Variants in IFT46 observed in about 807,000 individuals in gnomAD.
The protein encoded by IFT46 is intraflagellar transport protein 46 homolog.
IFT46 carries 19 observed loss-of-function variants against 39.6 expected under a neutral mutation model. That is an observed-to-expected ratio of 0.48 (90% CI 0.33 to 0.70). IFT46 has a LOEUF of 0.70. Ranked by LOEUF, IFT46 falls within the 30% of genes least tolerant of loss-of-function variation. The probability of loss-of-function intolerance (pLI) is 0.01; values close to 1 mark genes in which losing one functional copy is unlikely to be tolerated. For missense variants in IFT46, 334 were observed against 364.8 expected (o/e 0.92, Z 0.69); for synonymous variants, 117 against 134.8 (o/e 0.87, Z 0.91).
In IFT46 at chr11:118,562,758, A is replaced by G. The variant is rs886882943; in HGVS notation, c.-36+2207T>C. The stretch of plus-strand genomic sequence containing the variant: ...AAACAACCCGAGTGTCCATTAACAA[A>G]TGAATGAATTAAAAAACGTGGCATA... On this transcript the variant is annotated intron_variant, in intron 2 of 11. Transcript: ENST00000264021. 2.0e-5 allele frequency among the ~76,000 whole-genome samples: 3 copies of G among 152,252 alleles called. No individual in the cohort carries two copies. In the South Asian group the frequency reaches 6.2e-4, roughly 32 times the overall value.
chr11:118,548,045 C>CTTT (rs544682715), intron 9 of IFT46, among the ~76,000 whole-genome samples: 1 of 129,162 alleles, frequency 7.7e-6, no homozygotes, highest in Admixed American at 7.8e-5. Flanking sequence ...CACGCCCAGC[C>CTTT]TTTTTTTTTT....
At chr11:118,567,387 C>G (rs1292290682), upstream of IFT46, among the ~76,000 whole-genome samples, 1 of 152,042 alleles carries the variant, frequency 6.6e-6, no homozygotes, top group African/African-American at 2.4e-5. Context: ...CCAGCCTGAC[C>G]AACATGGTGA....
At chr11:118,563,512 A>G (rs1938129524) in intron 2 of IFT46, among the ~76,000 whole-genome samples, 1 of 152,196 alleles carries the variant, frequency 6.6e-6, no homozygotes, top group Admixed American at 6.5e-5. Context: ...CCAATCCATC[A>G]CCAAGTCTTA....
At chr11:118,569,303 A>T (rs188284501), upstream of IFT46, among the ~76,000 whole-genome samples, 4,488 of 151,310 alleles carry the variant, frequency 0.03, 206 homozygotes, top group African/African-American at 0.096. Context: ...TTTTTTTTTT[A>T]AAATATTGAC....
chr11:118,545,377 C>G, intron 11 of IFT46, 32 bp downstream of exon 11: 1 of 1,468,684 alleles, frequency 6.8e-7, no homozygotes, highest in African/African-American at 1.4e-5. Flanking sequence ...ATCCTCTCTA[C>G]AGCTTAAGTC....
chr11:118,570,412 T>C (rs1938313359), upstream of IFT46, among the ~76,000 whole-genome samples: 1 of 152,204 alleles, frequency 6.6e-6, no homozygotes, highest in East Asian at 1.9e-4. Flanking sequence ...TGTGTGAGTT[T>C]GGACAAATGC....
upstream of IFT46, among the ~76,000 whole-genome samples, chr11:118,576,133 A>G (rs1323743556): frequency 6.6e-6 from 1 of 152,064 alleles, no homozygotes; most frequent in African/African-American, 2.4e-5. Flanking sequence ...TTAGTGGCAA[A>G]GGCAGAACAG....
chr11:118,551,315 G>A (rs971070897), intron 9 of IFT46, among the ~76,000 whole-genome samples: 2 of 151,946 alleles, frequency 1.3e-5, no homozygotes, highest in South Asian at 2.1e-4. Context: ...GGAGGTTGCC[G>A]TGAGCTGAGA....
chr11:118,547,384 CA>C (rs1951710789), intron 9 of IFT46: 2 of 152,160 alleles, frequency 1.3e-5, no homozygotes, highest in South Asian at 4.1e-4. Flanking sequence ...ACCTGTTGGT[CA>C]TCTTTGTTCA....
Position 118,547,676 on chromosome 11 carries a change from C to T in IFT46, c.673-1823G>A, listed in dbSNP as rs1951718447. 2.6e-5 allele frequency among the ~76,000 whole-genome samples: 4 copies of T among 152,210 alleles called. No homozygotes were observed. The South Asian group carries it at 8.3e-4, about 32-fold the overall frequency. On this transcript the variant is annotated intron_variant, in intron 9 of 11. Coordinates refer to ENST00000264021, the MANE Select transcript of IFT46 (RefSeq NM_001168618.2). Reference sequence around the variant, plus strand: ...ACCTCAGGTGATCCACCTGCCTCAGCCTCCCAAAGTGCTGGGATTACAGGC... The same window carrying T: ...ACCTCAGGTGATCCACCTGCCTCAGTCTCCCAAAGTGCTGGGATTACAGGC...
At chr11:118,557,720 C>G (rs1314071717) in intron 3 of IFT46, 3 of 1,613,514 alleles carry the variant, frequency 1.9e-6, no homozygotes, top group Non-Finnish European at 2.5e-6. Context: ...CTCTTTTGTT[C>G]TTGACATTAT....
intron 3 of IFT46, among the ~76,000 whole-genome samples, chr11:118,558,136 T>C (rs1409071518): frequency 6.6e-6 from 1 of 152,222 alleles, no homozygotes; most frequent in African/African-American, 2.4e-5. Flanking sequence ...CTAACTAAGC[T>C]GTAATATGCA....
chr11:118,552,483 G>C, intron 7 of IFT46, 148 bp from the exon 8 acceptor site: 1 of 939,184 alleles, frequency 1.1e-6, no homozygotes, highest in Admixed American at 2.5e-5. Context: ...GAAGGGGATA[G>C]AAAACCCTGA....
chr11:118,557,537 G>C, intron 3 of IFT46: 1 of 602,444 alleles, frequency 1.7e-6, no homozygotes, highest in Admixed American at 3.3e-5. Flanking sequence ...ATCAAAAGAA[G>C]AAAGTTCAAA....
intron 10 of IFT46, 115 bp from the exon 11 acceptor site, chr11:118,545,609 G>A: frequency 9.2e-7 from 1 of 1,084,766 alleles, no homozygotes; most frequent in Non-Finnish European, 1.4e-6. Context: ...GACTTTGGGG[G>A]TTAAATACCC....
chr11:118,572,086 T>C (rs1199338634), intron 1 of IFT46, among the ~76,000 whole-genome samples: 2 of 133,716 alleles, frequency 1.5e-5, no homozygotes, highest in Non-Finnish European at 3.1e-5. Context: ...TGAGACTCCA[T>C]CTCAAAAAAA....
At chr11:118,572,738 C>A in exon 1 of IFT46, 1 of 578,102 alleles carries the variant, frequency 1.7e-6, no homozygotes. Flanking sequence ...GAGCTGACTC[C>A]AGTCCATCTG....
At chr11:118,557,914 C>T (rs1937897173) in intron 3 of IFT46, 1 of 1,548,922 alleles carries the variant, frequency 6.5e-7, no homozygotes, top group African/African-American at 1.4e-5. Flanking sequence ...AATTGGCCCC[C>T]TTTAAAAGTA....
intron 2 of IFT46, among the ~76,000 whole-genome samples, chr11:118,564,486 G>A (rs1381566775): frequency 1.3e-5 from 2 of 152,158 alleles, no homozygotes; most frequent in African/African-American, 4.8e-5. Context: ...CAAAGCGGAA[G>A]GACTGCTTGA....
Sources: gnomAD v4.1 joint callset for allele counts (sites outside exome capture counted in the v4.1 genomes callset) on GRCh38, gnomAD v4.1.1 for gene constraint, MANE v1.5 for transcripts, NCBI Gene and HGNC (gene_info 2026-07-23, HGNC 2026-07-21) for gene names.